Variants in RIC8B observed in about 807,000 individuals in gnomAD.
The protein encoded by RIC8B is RIC8 guanine nucleotide exchange factor B, also known as chaperone Ric-8B.
RIC8B carries 16 observed loss-of-function variants against 57.5 expected under a neutral mutation model. The ratio of observed to expected loss-of-function variants is 0.28; its 90% CI spans 0.19 to 0.42. The LOEUF is 0.42. Among genes scored for constraint, RIC8B ranks in the 10% least tolerant of loss-of-function variants. The pLI is 1.00. For synonymous variants in RIC8B, 216 were observed against 250.8 expected (o/e 0.86, Z 1.31); for missense variants, 481 against 677.0 (o/e 0.71, Z 3.21).
At chr12:106,882,928 T>C (rs1951018538) in intron 9 of RIC8B, among the ~76,000 whole-genome samples, 1 of 152,168 alleles carries the variant, frequency 6.6e-6, no homozygotes. Flanking sequence ...TGAAATCCTA[T>C]AATTTGGCCA....
At chr12:106,844,468 C>T (rs988437957) in intron 6 of RIC8B, among the ~76,000 whole-genome samples, 1 of 152,246 alleles carries the variant, frequency 6.6e-6, no homozygotes, top group African/African-American at 2.4e-5. Flanking sequence ...GCAAGAAGGC[C>T]TGTGTGACTA....
chr12:106,869,601 T>A (rs904529659), intron 8 of RIC8B, among the ~76,000 whole-genome samples: 7 of 152,162 alleles, frequency 4.6e-5, no homozygotes, highest in Non-Finnish European at 1.0e-4. Flanking sequence ...AGAAAGCAAT[T>A]TATTAGCAAT....
intron 4 of RIC8B, among the ~76,000 whole-genome samples, chr12:106,836,201 T>C (rs73200066): frequency 0.036 from 5,517 of 152,320 alleles, 127 homozygotes; most frequent in South Asian, 0.081. Context: ...AAATTCTTTG[T>C]CTACTCCTCA....
rs1384462921 is a variant in RIC8B at position 106,827,773 on chromosome 12, A to G, written c.836+1953A>G. Among the ~76,000 whole-genome samples the G allele has an allele frequency of 2.6e-5, 4 of 152,334 alleles. No individual in the cohort carries two copies. In the East Asian group the frequency reaches 7.7e-4, roughly 29 times the overall value. ...TTGACCCACTGTAATTTTTTTCGTA[A>G]TTAAGAGACACTAGAAATTTAGACC... is the stretch of plus-strand genomic sequence containing the variant. On this transcript the variant is annotated intron_variant, in intron 4 of 9. Coordinates refer to ENST00000392837, the MANE Select transcript of RIC8B (RefSeq NM_001330145.2).
chr12:106,854,655 G>A (rs1376110729), intron 7 of RIC8B, among the ~76,000 whole-genome samples: 2 of 152,144 alleles, frequency 1.3e-5, no homozygotes, highest in Admixed American at 6.5e-5. Flanking sequence ...GCTGGACGTG[G>A]TGGTGCATGC....
In RIC8B at chr12:106,878,100, C is replaced by A. The variant is rs549626427; in HGVS notation, c.1571+7158C>A. ...AGGGCTGAGGGAAGGATCTCAGAAT[C>A]CTTTCAAAGATGTAGCCTAGACCTC... On this transcript the variant is annotated intron_variant, in intron 9 of 9. Coordinates refer to ENST00000392837, the MANE Select transcript of RIC8B (RefSeq NM_001330145.2). Among the ~76,000 whole-genome samples the A allele has an allele frequency of 4.5e-4, 68 of 152,178 alleles. 1 individual carries two copies. The highest frequency in any genetic ancestry group is 1.4e-3 in the African/African-American group (60 of 41,522).
intron 2 of RIC8B, chr12:106,798,209 A>G: frequency 2.0e-6 from 1 of 506,266 alleles, no homozygotes; most frequent in East Asian, 3.3e-5. Flanking sequence ...TTTTCTCGGT[A>G]GCTGGCTTTT....
intron 2 of RIC8B, among the ~76,000 whole-genome samples, chr12:106,809,068 G>A (rs1176851340): frequency 6.6e-6 from 1 of 152,106 alleles, no homozygotes; most frequent in Non-Finnish European, 1.5e-5. Context: ...GGAAAAAAAG[G>A]CCTAATAAAG....
At chr12:106,869,121 T>A (rs968512520) in intron 8 of RIC8B, among the ~76,000 whole-genome samples, 4 of 152,096 alleles carry the variant, frequency 2.6e-5, no homozygotes, top group South Asian at 2.1e-4. Flanking sequence ...TATATTGGGT[T>A]TCTAATGGGG....
intron 4 of RIC8B, among the ~76,000 whole-genome samples, chr12:106,833,269 A>G (rs1301360812): frequency 6.6e-6 from 1 of 152,188 alleles, no homozygotes; most frequent in Non-Finnish European, 1.5e-5. Flanking sequence ...AGAGATTAAT[A>G]TTTTAAAATA....
At chr12:106,847,483 G>T (rs1949253733) in intron 6 of RIC8B, among the ~76,000 whole-genome samples, 2 of 152,174 alleles carry the variant, frequency 1.3e-5, no homozygotes. Context: ...GTTCACAGTA[G>T]TAAGGATTTG....
chr12:106,800,618 C>T (rs1300476943), intron 2 of RIC8B, among the ~76,000 whole-genome samples: 1 of 152,110 alleles, frequency 6.6e-6, no homozygotes, highest in African/African-American at 2.4e-5. Flanking sequence ...AATCTGGGGG[C>T]ATGGGACACA....
chr12:106,824,628 G>T (rs2046010934), intron 3 of RIC8B, among the ~76,000 whole-genome samples: 1 of 152,122 alleles, frequency 6.6e-6, no homozygotes, highest in Admixed American at 6.5e-5. Context: ...GGGTGCAGTG[G>T]CTGGCACCTG....
At chr12:106,838,055 A>T (rs2046697953) in intron 4 of RIC8B, among the ~76,000 whole-genome samples, 1 of 152,218 alleles carries the variant, frequency 6.6e-6, no homozygotes. Context: ...TGGAATTCTA[A>T]GTAAATACCT....
chr12:106,865,952 G>A (rs187204746), intron 8 of RIC8B, among the ~76,000 whole-genome samples: 18 of 152,176 alleles, frequency 1.2e-4, no homozygotes, highest in Admixed American at 4.6e-4. Flanking sequence ...CTGTCATATC[G>A]CTCTCATTCC....
At chr12:106,871,019 A>G (rs1470592024) in intron 9 of RIC8B, 77 bp downstream of exon 9, 6 of 1,383,020 alleles carry the variant, frequency 4.3e-6, no homozygotes, top group Admixed American at 2.3e-5. Flanking sequence ...GAGAGTTACC[A>G]TAGAACAGCA....
intron 4 of RIC8B, among the ~76,000 whole-genome samples, chr12:106,834,759 A>G (rs1278150552): frequency 6.6e-6 from 1 of 152,076 alleles, no homozygotes; most frequent in East Asian, 1.9e-4. Context: ...CGAGGCAGGC[A>G]GATCACGAGG....
intron 4 of RIC8B, among the ~76,000 whole-genome samples, chr12:106,834,561 CT>C (rs2046498257): frequency 6.6e-6 from 1 of 152,118 alleles, no homozygotes; most frequent in South Asian, 2.1e-4. Context: ...TCTCAAGATA[CT>C]TTGCATTTGT....
At chr12:106,850,209 G>A (rs1044070638) in intron 6 of RIC8B, among the ~76,000 whole-genome samples, 2 of 152,210 alleles carry the variant, frequency 1.3e-5, no homozygotes, top group Non-Finnish European at 2.9e-5. Context: ...GCCCCAGTCT[G>A]TGGCAAAATT....
Sources: allele counts gnomAD v4.1 joint callset (sites outside exome capture counted in the v4.1 genomes callset), GRCh38; gene constraint gnomAD v4.1.1; transcripts MANE v1.5; gene names NCBI Gene and HGNC (gene_info 2026-07-23, HGNC 2026-07-21).